GRK7: variants seen among roughly 807,000 people sequenced by gnomAD.
GRK7 encodes the protein rhodopsin kinase GRK7.
A neutral mutation model predicts 34.1 loss-of-function variants in GRK7; 24 were observed. That is an observed-to-expected ratio of 0.70 (90% CI 0.51 to 0.99). GRK7 has a LOEUF of 0.99. Among genes scored for constraint, GRK7 ranks in the 50% least tolerant of loss-of-function variants. The pLI, the probability that GRK7 is intolerant of heterozygous loss-of-function variation, is 0.00. For missense variants in GRK7, 644 were observed against 707.3 expected (o/e 0.91, Z 1.02); for synonymous variants, 256 against 279.4 (o/e 0.92, Z 0.84).
the GRK7 span, among the ~76,000 whole-genome samples, chr3:141,754,461 G>A: frequency 3.5e-5 from 5 of 142,980 alleles, no homozygotes; most frequent in Admixed American, 3.5e-4. Flanking sequence ...TTGAGACAGG[G>A]TCTCACTCTG....
At chr3:141,751,600 G>T in the GRK7 span, among the ~76,000 whole-genome samples, 3 of 152,356 alleles carry the variant, frequency 2.0e-5, no homozygotes, top group African/African-American at 7.2e-5. Flanking sequence ...AGTGGTATGT[G>T]TGGGGTATGG....
chr3:141,767,656 C>A (rs2084595920), intron 1 of GRK7, among the ~76,000 whole-genome samples: 1 of 152,182 alleles, frequency 6.6e-6, no homozygotes, highest in Admixed American at 6.5e-5. Flanking sequence ...CCACCTTGGC[C>A]TCCCAAAGTA....
In GRK7 at chr3:141,780,809, A is replaced by C; in HGVS notation, c.1048A>C (p.Arg350=). The change falls in exon 4 of 6, where the codon AGG becomes CGG. Residue 350 remains arginine, a splice_region_variant and synonymous_variant. Coordinates refer to ENST00000682958, the MANE Select transcript of GRK7 (RefSeq NM_139209.3). ...GAAGGGTGGCAAGCCCATCACCCAG[A>C]GGGTGAGTGACTCTCCACCTGCCCC... is the stretch of plus-strand genomic sequence containing the variant. ...EMKGGKPITQ[R]AGTNGYMAPE... The C allele has an allele frequency of 6.2e-7, 1 of 1,610,108 alleles. No individual in the cohort carries two copies. Among genetic ancestry groups the C allele is most frequent in the Non-Finnish European group, 8.5e-7 (1 of 1,177,178 alleles).
intron 4 of GRK7, among the ~76,000 whole-genome samples, chr3:141,804,787 A>G (rs1711008477): frequency 6.6e-6 from 1 of 150,756 alleles, no homozygotes; most frequent in Admixed American, 6.6e-5. Flanking sequence ...ATGCTCACAT[A>G]CACGCACACA....
At position 141,778,458 on chromosome 3, in the gene GRK7, C is replaced by G; in HGVS notation, c.174C>G (p.Ser58Arg). The change falls in exon 3 of 6, where the codon AGC (serine) becomes AGG (arginine). Residue 58 changes from serine (S) to arginine (R), a missense_variant. Transcript: ENST00000682958. The surrounding 1 kb of genome is among the most constrained non-coding windows in gnomAD (Gnocchi z 4.1). ...LRQKLSLNFHSLCEQQPIGRR... is the reference protein window; with the variant it reads ...LRQKLSLNFHRLCEQQPIGRR... ...AGAAGCTGTCCCTGAACTTCCACAG[C>G]CTGTGTGAGCAGCAGCCCATCGGTC... 1 of 1,613,162 alleles carries G rather than the reference C, an allele frequency of 6.2e-7. No individual in the cohort carries two copies. Among genetic ancestry groups the G allele is most frequent in the Non-Finnish European group, 8.5e-7 (1 of 1,179,912 alleles).
chr3:141,751,267 G>A, the GRK7 span, among the ~76,000 whole-genome samples: 1 of 152,096 alleles, frequency 6.6e-6, no homozygotes, highest in East Asian at 1.9e-4. Flanking sequence ...CTCTAGCTCT[G>A]CTTTTTCTAC....
upstream of GRK7, among the ~76,000 whole-genome samples, chr3:141,760,603 T>C (rs1356779064): frequency 1.3e-5 from 2 of 151,102 alleles, no homozygotes; most frequent in East Asian, 3.9e-4. Flanking sequence ...TGATTTGGGG[T>C]GGAGAGTTCT....
chr3:141,785,779 T>A (rs1391576384), intron 4 of GRK7, among the ~76,000 whole-genome samples: 77 of 140,994 alleles, frequency 5.5e-4, no homozygotes, highest in African/African-American at 2.1e-3. Context: ...AAAAAAAAAA[T>A]TGTTTTAAAC....
Position 141,807,839 on chromosome 3 carries a change from G to A in GRK7, c.1245G>A (p.Gln415=). 6.2e-7 allele frequency: 1 copy of A among 1,613,886 alleles called. No homozygotes were observed. The highest frequency in any genetic ancestry group is 2.2e-5 in the East Asian group (1 of 44,884). Residue 415 remains glutamine (Q), a synonymous_variant, in exon 5 of 6, where the codon CAG becomes CAA. Coordinates refer to ENST00000682958, the MANE Select transcript of GRK7 (RefSeq NM_139209.3). Reference sequence around the variant, plus strand: ...CTCTGCAAGACGAGGTCAAATTCCAGCATGATAACTTCACAGAGGAAGCAA... The same window carrying A: ...CTCTGCAAGACGAGGTCAAATTCCAACATGATAACTTCACAGAGGAAGCAA... The part of the protein sequence containing the change: ...QRTLQDEVKF[Q]HDNFTEEAKD...
chr3:141,770,284 A>C (rs1577910233), intron 1 of GRK7, among the ~76,000 whole-genome samples: 1 of 152,272 alleles, frequency 6.6e-6, no homozygotes, highest in South Asian at 2.1e-4. Flanking sequence ...AAAACCACTC[A>C]CTTTCCTATT....
At chr3:141,772,170 C>T (rs575385540) in intron 1 of GRK7, among the ~76,000 whole-genome samples, 1 of 152,186 alleles carries the variant, frequency 6.6e-6, no homozygotes, top group East Asian at 1.9e-4. Context: ...TCTCAGCTCA[C>T]TGCAACCTCC....
At chr3:141,780,033 G>A (rs1382305657) in intron 3 of GRK7, among the ~76,000 whole-genome samples, 11 of 152,224 alleles carry the variant, frequency 7.2e-5, no homozygotes, top group Admixed American at 6.5e-4. Context: ...ATGCCCAGGA[G>A]TGGAATTGCT....
chr3:141,814,596 T>C (rs907670678), intron 5 of GRK7, among the ~76,000 whole-genome samples: 1 of 152,258 alleles, frequency 6.6e-6, no homozygotes, highest in Non-Finnish European at 1.5e-5. Flanking sequence ...ATATTGTGTA[T>C]GTACCACACT....
At chr3:141,808,936 T>G (rs1711064035) in intron 5 of GRK7, among the ~76,000 whole-genome samples, 1 of 151,928 alleles carries the variant, frequency 6.6e-6, no homozygotes, top group South Asian at 2.1e-4. Flanking sequence ...GAGCCAGGCA[T>G]GGTGGTTCAC....
rs2084568891 is a variant in GRK7 at position 141,764,003 on chromosome 3, A to G, written c.-1950A>G. Reference sequence around the variant, plus strand: ...ATGCAAGACGTCTTCATTTCTCTTCATTGCTGCTCTCCTTCCTTCCCTAAA... The same window carrying G: ...ATGCAAGACGTCTTCATTTCTCTTCGTTGCTGCTCTCCTTCCTTCCCTAAA... On this transcript the variant is annotated 5_prime_UTR_variant, in exon 1 of 6. Coordinates refer to ENST00000682958, the MANE Select transcript of GRK7 (RefSeq NM_139209.3). 6.6e-6 allele frequency among the ~76,000 whole-genome samples: 1 copy of G among 151,878 alleles called. No homozygotes were observed. Among genetic ancestry groups the G allele is most frequent in the Admixed American group, 6.6e-5 (1 of 15,244 alleles).
intron 4 of GRK7, among the ~76,000 whole-genome samples, chr3:141,800,581 A>G (rs1426842082): frequency 1.3e-5 from 2 of 152,216 alleles, no homozygotes; most frequent in Non-Finnish European, 2.9e-5. Flanking sequence ...ATCAAGGAAC[A>G]TTCAGAGAAC....
At chr3:141,773,232 A>G (rs2084624318) in intron 1 of GRK7, among the ~76,000 whole-genome samples, 1 of 152,026 alleles carries the variant, frequency 6.6e-6, no homozygotes, top group Admixed American at 6.6e-5. Flanking sequence ...GTGGTGGAAT[A>G]TAGTAAATTG....
rs1710934208 is a variant in GRK7 at position 141,799,978 on chromosome 3, T to C, written c.1051-7667T>C. On this transcript the variant is annotated intron_variant, in intron 4 of 5. Transcript: ENST00000682958. ...GTCACTCACCTTTGAAATGTGCTCA[T>C]TGGACGGGTGCCACACAGAGCAAGC... 2.6e-5 allele frequency among the ~76,000 whole-genome samples: 4 copies of C among 152,204 alleles called. No individual in the cohort carries two copies. In the South Asian group the frequency reaches 8.3e-4, roughly 31 times the overall value.
At chr3:141,791,918 C>T (rs1054099952) in intron 4 of GRK7, among the ~76,000 whole-genome samples, 8 of 148,594 alleles carry the variant, frequency 5.4e-5, no homozygotes, top group East Asian at 2.0e-4. Context: ...GTAGGAGAAT[C>T]GCTTGAACCC....
Sources: allele counts gnomAD v4.1 joint callset (sites outside exome capture counted in the v4.1 genomes callset), GRCh38; gene constraint gnomAD v4.1.1; non-coding constraint Gnocchi (gnomAD v3.1); transcripts MANE v1.5; gene names NCBI Gene and HGNC (gene_info 2026-07-23, HGNC 2026-07-21).